Variants in PCDHA6 observed in about 807,000 individuals in gnomAD.
PCDHA6 encodes protocadherin alpha-6.
Under a neutral mutation model 60.3 loss-of-function variants are expected in PCDHA6, and 55 were observed. That is an observed-to-expected ratio of 0.91 (90% CI 0.73 to 1.14). The LOEUF is 1.14. Among genes scored for constraint, PCDHA6 ranks in the 50% most tolerant of loss-of-function variants. The pLI is 0.00. For missense variants in PCDHA6, 1,327 were observed against 1,256.5 expected (o/e 1.06, Z -0.85); for synonymous variants, 652 against 557.9 (o/e 1.17, Z -2.38).
intron 1 of PCDHA6, chr5:140,853,353 C>T: frequency 1.0e-6 from 1 of 981,690 alleles, no homozygotes; most frequent in Non-Finnish European, 1.2e-6. Context: ...AACATGAACT[C>T]ACAGGGATCC....
At chr5:140,901,297 T>C (rs1224181769) in intron 1 of PCDHA6, among the ~76,000 whole-genome samples, 1 of 152,234 alleles carries the variant, frequency 6.6e-6, no homozygotes, top group Non-Finnish European at 1.5e-5. Context: ...CAGACTGATG[T>C]TCCGGAGAGT....
At chr5:140,939,317 A>T (rs2092365663) in intron 1 of PCDHA6, among the ~76,000 whole-genome samples, 1 of 152,148 alleles carries the variant, frequency 6.6e-6, no homozygotes, top group Admixed American at 6.5e-5. Flanking sequence ...CTACCTCCTA[A>T]TATCATAATC....
chr5:140,871,046 T>C, intron 1 of PCDHA6: 1 of 1,613,310 alleles, frequency 6.2e-7, no homozygotes, highest in Non-Finnish European at 8.5e-7. Context: ...CGACTTCTAG[T>C]ACTGGTGAAG....
intron 1 of PCDHA6, chr5:140,969,097 C>G (rs2096295003): frequency 6.2e-7 from 1 of 1,614,072 alleles, no homozygotes; most frequent in African/African-American, 1.3e-5. Flanking sequence ...TGCAGCCTCA[C>G]TTCATTGAAG....
chr5:140,937,413 TTAGA>T (rs781915768), intron 1 of PCDHA6, among the ~76,000 whole-genome samples: 3 of 152,228 alleles, frequency 2.0e-5, no homozygotes, highest in Non-Finnish European at 2.9e-5. Flanking sequence ...ACAACTTTTA[TTAGA>T]TAGCTGATAT....
intron 1 of PCDHA6, among the ~76,000 whole-genome samples, chr5:140,933,268 T>A (rs2088999959): frequency 6.6e-6 from 1 of 151,986 alleles, no homozygotes; most frequent in Non-Finnish European, 1.5e-5. Context: ...TTATTATATA[T>A]TCATTTGGAA....
chr5:140,897,199 A>G (rs760377746), intron 1 of PCDHA6, among the ~76,000 whole-genome samples: 1 of 152,030 alleles, frequency 6.6e-6, no homozygotes, highest in Admixed American at 6.6e-5. Flanking sequence ...TTTTTTTATT[A>G]TACTTTAAGT....
chr5:140,995,284 G>A (rs1439846116), intron 3 of PCDHA6, among the ~76,000 whole-genome samples: 2 of 152,112 alleles, frequency 1.3e-5, no homozygotes, highest in African/African-American at 4.8e-5. Flanking sequence ...TACCAAAACA[G>A]CCAGTCGGAT....
At position 140,951,544 on chromosome 5, in the gene PCDHA6, G is replaced by A. The variant is rs543008494; in HGVS notation, c.2395-27405G>A. On this transcript the variant is annotated intron_variant, in intron 1 of 3. Transcript: ENST00000529310. ...CATGGCCGGTGCAGGAGCAAGGGAC[G>A]GGGGGAAGTGCTACGCACTTTTAAA... Among the ~76,000 whole-genome samples the A allele has an allele frequency of 1.4e-3, 220 of 151,994 alleles. 1 individual carries two copies. The highest frequency in any genetic ancestry group is 4.9e-3 in the African/African-American group (204 of 41,462).
chr5:141,006,351 A>G (rs537027677), intron 3 of PCDHA6, among the ~76,000 whole-genome samples: 1 of 151,966 alleles, frequency 6.6e-6, no homozygotes, highest in Non-Finnish European at 1.5e-5. Flanking sequence ...AGCTGGGACT[A>G]TAGGCGCCCA....
chr5:140,888,129 A>G (rs2061706592), intron 1 of PCDHA6, among the ~76,000 whole-genome samples: 2 of 152,024 alleles, frequency 1.3e-5, no homozygotes, highest in Admixed American at 1.3e-4. Flanking sequence ...CTATGGATAT[A>G]TTTTCTTGCT....
At chr5:140,885,270 A>G (rs251381) in intron 1 of PCDHA6, among the ~76,000 whole-genome samples, 102,023 of 151,894 alleles carry the variant, frequency 0.67, 34,437 homozygotes, top group Middle Eastern at 0.71. Flanking sequence ...ACTCATACAT[A>G]TATATATACA....
intron 1 of PCDHA6, among the ~76,000 whole-genome samples, chr5:140,901,988 T>C (rs892830479): frequency 6.6e-6 from 1 of 152,164 alleles, no homozygotes; most frequent in Admixed American, 6.6e-5. Context: ...TTTAATTTCA[T>C]TTTCAGATTG....
At chr5:141,008,626 A>G (rs375674921) in intron 3 of PCDHA6, among the ~76,000 whole-genome samples, 1 of 152,222 alleles carries the variant, frequency 6.6e-6, no homozygotes. Context: ...TTTCTCAAGT[A>G]TAATTAACAA....
At chr5:140,853,743 T>C (rs1258118631) in intron 1 of PCDHA6, 2 of 988,454 alleles carry the variant, frequency 2.0e-6, no homozygotes, top group African/African-American at 1.8e-5. Context: ...AATGTTCTGG[T>C]TCAAGGCTCC....
chr5:140,948,315 G>A (rs246048), intron 1 of PCDHA6, among the ~76,000 whole-genome samples: 85,363 of 151,182 alleles, frequency 0.56, 24,689 homozygotes, highest in African/African-American at 0.69. Context: ...TTCTTGAGGG[G>A]TAATGTTTTC....
At chr5:141,007,280 T>G (rs946303708) in intron 3 of PCDHA6, among the ~76,000 whole-genome samples, 1 of 151,106 alleles carries the variant, frequency 6.6e-6, no homozygotes, top group East Asian at 1.9e-4. Flanking sequence ...CTGGGTGCAG[T>G]GGGCTCATGC....
rs60032403 is a variant in PCDHA6 at position 140,941,214 on chromosome 5, C to CCTTT, written c.2395-37696_2395-37693dup. Among the ~76,000 whole-genome samples, 254 of 122,478 alleles carry CCTTT rather than the reference C, an allele frequency of 2.1e-3. 3 individuals carry two copies. The highest frequency in any genetic ancestry group is 3.1e-3 in the Non-Finnish European group (180 of 58,666). 80.4% of individuals were successfully genotyped at this position (122,478 alleles called of 152,430 possible). Reference sequence around the variant, plus strand: ...TTTTTTCTTTCTTCCTTTCTTTCTTCCTTTCTTTCTTTCTTTCTTTCTTTC... The same window carrying CCTTT: ...TTTTTTCTTTCTTCCTTTCTTTCTTCCTTTCTTTCTTTCTTTCTTTCTTTCTTTC... On this transcript the variant is annotated intron_variant, in intron 1 of 3. Coordinates refer to ENST00000529310, the MANE Select transcript of PCDHA6 (RefSeq NM_018909.4).
chr5:140,910,022 C>G (rs2074840302), intron 1 of PCDHA6, among the ~76,000 whole-genome samples: 1 of 152,174 alleles, frequency 6.6e-6, no homozygotes, highest in South Asian at 2.1e-4. Context: ...CCTTGTATCC[C>G]TGGGATAAAT....
Sources: allele counts gnomAD v4.1 joint callset (sites outside exome capture counted in the v4.1 genomes callset), GRCh38; gene constraint gnomAD v4.1.1; transcripts MANE v1.5; gene names NCBI Gene and HGNC (gene_info 2026-07-23, HGNC 2026-07-21).